The following FARS2 variants were observed in gnomAD, a reference collection of about 807,000 sequenced individuals.
The protein encoded by FARS2 is phenylalanyl-tRNA synthetase 2, mitochondrial, also known as phenylalanine--tRNA ligase, mitochondrial.
A neutral mutation model predicts 46.4 loss-of-function variants in FARS2; 40 were observed. The observed-to-expected ratio is 0.86, with a 90% CI of 0.67 to 1.12. The LOEUF is 1.12. Ranked by LOEUF, FARS2 falls within the 50% of genes most tolerant of loss-of-function variation. The pLI is 0.00. For missense variants in FARS2, 513 were observed against 567.9 expected (o/e 0.90, Z 0.98); for synonymous variants, 234 against 214.9 (o/e 1.09, Z -0.78).
At chr6:5,680,126 C>T (rs368167987) in intron 6 of FARS2, among the ~76,000 whole-genome samples, 3 of 152,168 alleles carry the variant, frequency 2.0e-5, no homozygotes, top group Non-Finnish European at 4.4e-5. Context: ...CAGAATGTAG[C>T]GTAGCTCTGA....
intron 4 of FARS2, among the ~76,000 whole-genome samples, chr6:5,432,342 ATATATATAT>A (rs1562036492): frequency 5.8e-5 from 2 of 34,244 alleles, no homozygotes; most frequent in Admixed American, 4.1e-4. Context: ...ATATATATAT[ATATATATAT>A]TATATATATA....
intron 4 of FARS2, among the ~76,000 whole-genome samples, chr6:5,514,011 G>A (rs17140712): frequency 0.018 from 2,767 of 152,000 alleles, 70 homozygotes; most frequent in African/African-American, 0.063. Flanking sequence ...TGGTATACAG[G>A]AGGTTTGAGG....
At chr6:5,600,302 T>G (rs755498454) in intron 5 of FARS2, among the ~76,000 whole-genome samples, 4 of 152,202 alleles carry the variant, frequency 2.6e-5, no homozygotes, top group Non-Finnish European at 5.9e-5. Context: ...TAGAGGGATG[T>G]TTAGAACTTG....
intron 1 of FARS2, among the ~76,000 whole-genome samples, chr6:5,322,457 TA>T (rs1224493387): frequency 2.6e-5 from 4 of 152,160 alleles, no homozygotes; most frequent in Admixed American, 1.3e-4. Context: ...TCTCATTGAG[TA>T]GTTTTTTTTT....
chr6:5,301,842 CACACAA>C (rs958648928), intron 1 of FARS2, among the ~76,000 whole-genome samples: 4 of 141,926 alleles, frequency 2.8e-5, no homozygotes, highest in African/African-American at 8.5e-5. Context: ...CACACACACA[CACACAA>C]AGAAAATGGG....
At chr6:5,704,740 T>A (rs1372135983) in intron 6 of FARS2, among the ~76,000 whole-genome samples, 1 of 152,230 alleles carries the variant, frequency 6.6e-6, no homozygotes, top group Non-Finnish European at 1.5e-5. Flanking sequence ...GTCATGATTT[T>A]ATAAAAGCAG....
intron 1 of FARS2, among the ~76,000 whole-genome samples, chr6:5,358,266 C>T (rs1758064138): frequency 6.6e-6 from 1 of 151,656 alleles, no homozygotes; most frequent in Non-Finnish European, 1.5e-5. Context: ...GATTCTTTTT[C>T]ATTAGCTGAA....
rs550715298 is a variant in FARS2 at position 5,565,613 on chromosome 6, T to C, written c.1065+20273T>C. On this transcript the variant is annotated intron_variant, in intron 5 of 6. Transcript: ENST00000274680. ...TGATTGATAGCATATACTTAGACAT[T>C]AGCATTTTAGAAATCCCATACAATT... Among the ~76,000 whole-genome samples the C allele has an allele frequency of 1.3e-3, 194 of 152,338 alleles. 1 individual carries two copies. Among genetic ancestry groups the C allele is most frequent in the African/African-American group, 4.5e-3 (187 of 41,584 alleles).
chr6:5,292,043 C>G (rs184144565), intron 1 of FARS2, among the ~76,000 whole-genome samples: 3 of 151,898 alleles, frequency 2.0e-5, no homozygotes, highest in African/African-American at 7.3e-5. Context: ...CCAGACAGAT[C>G]GAGTCAGAGA....
intron 4 of FARS2, among the ~76,000 whole-genome samples, chr6:5,464,046 G>A (rs1218512831): frequency 1.3e-5 from 2 of 152,132 alleles, no homozygotes; most frequent in African/African-American, 4.8e-5. Flanking sequence ...TCAACCTCTG[G>A]ACTTAAGTAT....
chr6:5,317,404 G>A (rs1262562771), intron 1 of FARS2, among the ~76,000 whole-genome samples: 1 of 152,148 alleles, frequency 6.6e-6, no homozygotes, highest in African/African-American at 2.4e-5. Context: ...AATATGCTAG[G>A]GGTGCTAATG....
chr6:5,680,248 C>A (rs897390235), intron 6 of FARS2, among the ~76,000 whole-genome samples: 1 of 152,088 alleles, frequency 6.6e-6, no homozygotes, highest in Non-Finnish European at 1.5e-5. Flanking sequence ...TGAAGGTGCC[C>A]AACCAACACT....
intron 2 of FARS2, among the ~76,000 whole-genome samples, chr6:5,388,065 C>T (rs1236816657): frequency 6.6e-6 from 1 of 151,760 alleles, no homozygotes; most frequent in Non-Finnish European, 1.5e-5. Context: ...TACCTGTATT[C>T]ATTTTTGTTC....
intron 4 of FARS2, among the ~76,000 whole-genome samples, chr6:5,494,050 C>A (rs1477125485): frequency 2.0e-5 from 3 of 151,928 alleles, no homozygotes; most frequent in Non-Finnish European, 4.4e-5. Context: ...TCATCTTGGG[C>A]CACTATTGGG....
intron 1 of FARS2, among the ~76,000 whole-genome samples, chr6:5,331,283 T>G (rs1450884289): frequency 6.6e-6 from 1 of 152,164 alleles, no homozygotes. Context: ...TCAAAGAGTT[T>G]TTGCCTGACT....
At chr6:5,412,583 A>G (rs1459582715) in intron 3 of FARS2, among the ~76,000 whole-genome samples, 1 of 152,204 alleles carries the variant, frequency 6.6e-6, no homozygotes, top group Non-Finnish European at 1.5e-5. Flanking sequence ...GTAATAAGGA[A>G]TCACGTCTTC....
chr6:5,633,147 A>G (rs1448222362), intron 6 of FARS2, among the ~76,000 whole-genome samples: 1 of 151,218 alleles, frequency 6.6e-6, no homozygotes, highest in Non-Finnish European at 1.5e-5. Flanking sequence ...GTTTTGTTTT[A>G]GAGACAAGAT....
At chr6:5,530,382 G>A (rs1265628959) in intron 4 of FARS2, among the ~76,000 whole-genome samples, 1 of 152,114 alleles carries the variant, frequency 6.6e-6, no homozygotes, top group Non-Finnish European at 1.5e-5. Context: ...TGATATGTAA[G>A]TACAATATGT....
intron 1 of FARS2, among the ~76,000 whole-genome samples, chr6:5,295,692 T>C (rs1767807236): frequency 6.6e-6 from 1 of 152,184 alleles, no homozygotes. Context: ...GTAGAATCGG[T>C]TGTTTTTAAT....
Sources: gnomAD v4.1 joint callset for allele counts (sites outside exome capture counted in the v4.1 genomes callset) on GRCh38, gnomAD v4.1.1 for gene constraint, MANE v1.5 for transcripts, NCBI Gene and HGNC (gene_info 2026-07-23, HGNC 2026-07-21) for gene names.